LRRC7: variants seen among roughly 807,000 people sequenced by gnomAD.
LRRC7 encodes leucine rich repeat containing 7.
A neutral mutation model predicts 175.7 loss-of-function variants in LRRC7; 23 were observed. That is an observed-to-expected ratio of 0.13 (90% CI 0.09 to 0.19). The LOEUF (loss-of-function observed/expected upper bound fraction) is 0.19. Among genes scored for constraint, LRRC7 ranks in the 10% least tolerant of loss-of-function variants. The pLI is 1.00. For missense variants in LRRC7, 1,354 were observed against 1,904.7 expected, an observed-to-expected ratio of 0.71 and a Z score of 5.38; for synonymous variants, 685 against 680.9, an observed-to-expected ratio of 1.01 and a Z score of -0.09.
At chr1:69,822,912 T>C (rs986238903) in intron 4 of LRRC7, among the ~76,000 whole-genome samples, 16 of 152,198 alleles carry the variant, frequency 1.1e-4, no homozygotes, top group African/African-American at 3.6e-4. Context: ...TATTCTGCCA[T>C]CTTGCTTATG....
intron 14 of LRRC7, among the ~76,000 whole-genome samples, chr1:70,018,358 G>A (rs1657144743): frequency 6.6e-6 from 1 of 151,862 alleles, no homozygotes; most frequent in South Asian, 2.1e-4. Context: ...AATTCCATTT[G>A]TCTTTCTAGG....
rs1022338151 is a variant in LRRC7 at position 69,682,588 on chromosome 1, A to G, written c.100+4110A>G. Reference sequence around the variant, plus strand: ...TATATGTTAAAACCCAATTGATGTTATATCATGAGACAGGCATTTTGGAGG... The same window carrying G: ...TATATGTTAAAACCCAATTGATGTTGTATCATGAGACAGGCATTTTGGAGG... On this transcript the variant is annotated intron_variant, in intron 2 of 26. Transcript: ENST00000651989. 9.2e-5 allele frequency among the ~76,000 whole-genome samples: 14 copies of G among 152,286 alleles called. No homozygotes were observed. The South Asian group carries it at 2.5e-3, about 27-fold the overall frequency.
chr1:70,035,281 G>T (rs917729295), intron 18 of LRRC7, among the ~76,000 whole-genome samples: 3 of 152,044 alleles, frequency 2.0e-5, no homozygotes, highest in African/African-American at 7.2e-5. Flanking sequence ...TGAGAATTTG[G>T]TATTTTACCT....
chr1:69,646,760 T>C (rs1457226145), intron 1 of LRRC7, among the ~76,000 whole-genome samples: 1 of 152,178 alleles, frequency 6.6e-6, no homozygotes, highest in Non-Finnish European at 1.5e-5. Flanking sequence ...CGAACCTCTA[T>C]AGTAGTGCTT....
In LRRC7 at chr1:70,125,996, A is replaced by G. The variant is rs1015463599; in HGVS notation, c.*4109A>G. Among the ~76,000 whole-genome samples, 10 of 152,174 alleles carry G rather than the reference A, an allele frequency of 6.6e-5. No homozygotes were observed. The highest frequency in any genetic ancestry group is 2.4e-4 in the African/African-American group (10 of 41,552). ...TATTAATATTTAAGCTTTCCAGTGT[A>G]AAGCTTTGGAAAATGTAGTGTGCTT... is the stretch of plus-strand genomic sequence containing the variant. On this transcript the variant is annotated 3_prime_UTR_variant, in exon 27 of 27. Transcript: ENST00000651989.
chr1:69,894,805 G>A (rs1390565747), intron 7 of LRRC7, among the ~76,000 whole-genome samples: 2 of 152,136 alleles, frequency 1.3e-5, no homozygotes, highest in African/African-American at 4.8e-5. Context: ...AGGTATAGAA[G>A]TAAATAGTAG....
In LRRC7 at chr1:70,076,078, C is replaced by G; in HGVS notation, c.4232C>G (p.Ala1411Gly). 1 of 1,613,216 alleles carries G rather than the reference C, an allele frequency of 6.2e-7. No individual in the cohort carries two copies. The highest frequency in any genetic ancestry group is 8.5e-7 in the Non-Finnish European group (1 of 1,179,922). Residue 1411 changes from alanine to glycine, a missense_variant and splice_region_variant, in exon 24 of 27, where the codon GCA becomes GGA. Physicochemically the swap from Ala to Gly is moderately conservative, Grantham distance 60. Transcript: ENST00000651989. ...CCTGACAGATTATCTTCTCCACAGG[C>G]AGGCAGCCACATCCAGACGTTGATG... Reference protein sequence around the residue: ...DVPPDTITKKAGSHIQTLMGS... With the variant: ...DVPPDTITKKGGSHIQTLMGS...
chr1:69,817,329 G>A (rs1051516311), intron 4 of LRRC7, among the ~76,000 whole-genome samples: 6 of 151,784 alleles, frequency 4.0e-5, no homozygotes, highest in African/African-American at 1.5e-4. Flanking sequence ...CTAAGATAAG[G>A]GTCCAATTTC....
At chr1:69,686,058 A>T (rs1430005169) in intron 2 of LRRC7, among the ~76,000 whole-genome samples, 1 of 152,312 alleles carries the variant, frequency 6.6e-6, no homozygotes, top group African/African-American at 2.4e-5. Context: ...AAATGACAGT[A>T]TATTTTCATC....
chr1:69,921,060 C>T (rs926944915), intron 7 of LRRC7, among the ~76,000 whole-genome samples: 1 of 152,144 alleles, frequency 6.6e-6, no homozygotes, highest in African/African-American at 2.4e-5. Flanking sequence ...CAAGGTTTCA[C>T]AACCATCTTT....
intron 1 of LRRC7, among the ~76,000 whole-genome samples, chr1:69,623,705 C>T (rs925137673): frequency 6.6e-6 from 1 of 152,102 alleles, no homozygotes; most frequent in Non-Finnish European, 1.5e-5. Flanking sequence ...CATGCACCAG[C>T]ACGCCCGGCT....
intron 1 of LRRC7, among the ~76,000 whole-genome samples, chr1:69,626,940 A>G (rs1322335136): frequency 3.3e-5 from 5 of 152,074 alleles, no homozygotes; most frequent in Admixed American, 3.3e-4. Flanking sequence ...TCCATAGTGT[A>G]TATGTGCCAC....
intron 18 of LRRC7, among the ~76,000 whole-genome samples, chr1:70,029,169 A>C (rs755138598): frequency 6.6e-6 from 1 of 152,160 alleles, no homozygotes; most frequent in Non-Finnish European, 1.5e-5. Flanking sequence ...ACACTGTGCC[A>C]AACACTGTGA....
intron 3 of LRRC7, among the ~76,000 whole-genome samples, chr1:69,775,486 A>G (rs941551543): frequency 1.3e-5 from 2 of 152,196 alleles, no homozygotes; most frequent in African/African-American, 2.4e-5. Context: ...TTGAGATCCA[A>G]TTCTTGACCA....
At chr1:69,671,442 CATG>C (rs1288514925) in intron 1 of LRRC7, among the ~76,000 whole-genome samples, 1 of 152,082 alleles carries the variant, frequency 6.6e-6, no homozygotes, top group African/African-American at 2.4e-5. Context: ...CTTTTGGAAC[CATG>C]AGCTGTGCAG....
intron 12 of LRRC7, among the ~76,000 whole-genome samples, chr1:70,012,190 T>G (rs1361179557): frequency 6.6e-6 from 1 of 151,964 alleles, no homozygotes; most frequent in Non-Finnish European, 1.5e-5. Flanking sequence ...TCATTTAAAG[T>G]CAGTTAATTT....
chr1:69,838,329 A>G (rs1681347227), intron 7 of LRRC7, 46 bp downstream of exon 7: 2 of 1,406,926 alleles, frequency 1.4e-6, no homozygotes, highest in African/African-American at 1.4e-5. Flanking sequence ...GATTTTTTTC[A>G]CTAGTAAGAG....
chr1:69,648,030 G>A (rs909960905), intron 1 of LRRC7, among the ~76,000 whole-genome samples: 1 of 151,610 alleles, frequency 6.6e-6, no homozygotes, highest in Non-Finnish European at 1.5e-5. Context: ...CTTTTTTTCA[G>A]ATTTATTTCT....
chr1:69,735,576 C>T lies in LRRC7; in HGVS notation c.101-24615C>T, dbSNP rs573185973. Among the ~76,000 whole-genome samples the T allele has an allele frequency of 2.6e-5, 4 of 152,056 alleles. No individual in the cohort carries two copies. The South Asian group carries it at 6.2e-4, about 24-fold the overall frequency. On this transcript the variant is annotated intron_variant, in intron 2 of 26. Transcript: ENST00000651989. ...GGTGATGCTAAACTCTTGCGTAGTA[C>T]ATTTTCCCCTTTGTAATTAGTAAAT...
Sources: allele counts gnomAD v4.1 joint callset (sites outside exome capture counted in the v4.1 genomes callset), GRCh38; gene constraint gnomAD v4.1.1; transcripts MANE v1.5; gene names NCBI Gene and HGNC (gene_info 2026-07-23, HGNC 2026-07-21).